The following FAM83B variants were observed in gnomAD, a reference collection of about 807,000 sequenced individuals.
The protein encoded by FAM83B is scaffolding CK1 anchoring protein B, also known as protein FAM83B.
A neutral mutation model predicts 38.8 loss-of-function variants in FAM83B; 26 were observed. The observed-to-expected ratio is 0.67, with a 90% confidence interval of 0.49 to 0.93. FAM83B has a LOEUF of 0.93. Ranked by LOEUF, FAM83B falls within the 40% of genes least tolerant of loss-of-function variation. FAM83B has a pLI of 0.00. For missense variants in FAM83B, 1,237 were observed against 1,197.3 expected, an observed-to-expected ratio of 1.03 and a Z score of -0.49; for synonymous variants, 419 against 423.1, an observed-to-expected ratio of 0.99 and a Z score of 0.12.
At chr6:54,914,136 G>A (rs76159748) in intron 2 of FAM83B, among the ~76,000 whole-genome samples, 4,145 of 151,770 alleles carry the variant, frequency 0.027, 88 homozygotes, top group Non-Finnish European at 0.046. Context: ...TCCTTTTTTG[G>A]TAAATAGTGG....
chr6:54,883,831 T>G (rs935712901), intron 2 of FAM83B, among the ~76,000 whole-genome samples: 1 of 152,072 alleles, frequency 6.6e-6, no homozygotes, highest in Non-Finnish European at 1.5e-5. Flanking sequence ...TAGCCCAATT[T>G]TTTAATCTTT....
chr6:54,940,848 A>G lies in FAM83B; in HGVS notation c.1877A>G (p.Gln626Arg), dbSNP rs1773664651. 6.2e-6 allele frequency: 10 copies of G among 1,613,930 alleles called. No individual in the cohort carries two copies. The highest frequency in any genetic ancestry group is 8.5e-6 in the Non-Finnish European group (10 of 1,180,018). The change falls in exon 5 of 5, where the codon CAA becomes CGA. Residue 626 changes from glutamine (Q) to arginine (R), a missense_variant. Physicochemically the swap from Gln to Arg is conservative, Grantham distance 43 (BLOSUM62 1). Transcript: ENST00000306858. ...VPENHSVALN[Q>R]TTNGHTESNN... ...GAAAACCACTCAGTAGCCTTAAACC[A>G]AACTACAAATGGCCATACTGAATCA... is the stretch of plus-strand genomic sequence containing the variant.
rs766679622 is a variant in FAM83B at position 54,940,366 on chromosome 6, G to A, written c.1395G>A (p.Arg465=). Residue 465 remains arginine, a synonymous_variant, in exon 5 of 5, where the codon AGG becomes AGA. Transcript: ENST00000306858. ...NLADRNSNVR[R]SFNGTDNHIR... The stretch of plus-strand genomic sequence containing the variant: ...CAGACAGGAATTCAAATGTTCGGAG[G>A]TCTTTTAATGGGACAGATAACCATA... 2 of 1,614,060 alleles carry A rather than the reference G, an allele frequency of 1.2e-6. No individual in the cohort carries two copies. The highest frequency in any genetic ancestry group is 1.7e-6 in the Non-Finnish European group (2 of 1,180,006).
At chr6:54,848,278 C>A (rs879500144) in intron 1 of FAM83B, among the ~76,000 whole-genome samples, 1 of 152,136 alleles carries the variant, frequency 6.6e-6, no homozygotes, top group Non-Finnish European at 1.5e-5. Flanking sequence ...ATTCCACCCC[C>A]TTGCCTTTGG....
At chr6:54,853,054 C>G (rs1395509512) in intron 1 of FAM83B, among the ~76,000 whole-genome samples, 25 of 152,064 alleles carry the variant, frequency 1.6e-4, no homozygotes, top group Non-Finnish European at 8.8e-5. Flanking sequence ...CTGGATAGAT[C>G]AAGCCAGCCA....
rs58597609 is a variant in FAM83B at position 54,915,812 on chromosome 6, CAAAAAAAAAAA to C, written c.445-10544_445-10534del. On this transcript the variant is annotated intron_variant, in intron 2 of 4. Coordinates refer to ENST00000306858, the MANE Select transcript of FAM83B (RefSeq NM_001010872.3). ...TGGGCGACAGAGCGAGACTCCGTCTCAAAAAAAAAAAAAAAAAAAAAAAAAGAAACTCACAT... is the reference window on the plus strand; with the variant it reads ...TGGGCGACAGAGCGAGACTCCGTCTCAAAAAAAAAAAAAAGAAACTCACAT... Among the ~76,000 whole-genome samples the C allele has an allele frequency of 6.1e-4, 11 of 18,050 alleles. 1 individual carries two copies. Among genetic ancestry groups the C allele is most frequent in the Non-Finnish European group, 1.3e-3 (11 of 8,676 alleles). 11.8% of individuals were successfully genotyped at this position (18,050 alleles called of 152,430 possible).
intron 2 of FAM83B, among the ~76,000 whole-genome samples, chr6:54,871,427 G>A (rs556764358): frequency 6.6e-6 from 1 of 151,732 alleles, no homozygotes; most frequent in South Asian, 2.1e-4. Context: ...GTTTTAAAAT[G>A]TATGGGCAAG....
At chr6:54,889,260 T>A (rs1339190038) in intron 2 of FAM83B, among the ~76,000 whole-genome samples, 1 of 152,118 alleles carries the variant, frequency 6.6e-6, no homozygotes, top group Non-Finnish European at 1.5e-5. Flanking sequence ...ATTTTCTTAT[T>A]TTAAGCATTT....
chr6:54,871,008 C>T (rs1020805034), intron 2 of FAM83B, among the ~76,000 whole-genome samples: 2 of 152,110 alleles, frequency 1.3e-5, no homozygotes, highest in African/African-American at 4.8e-5. Flanking sequence ...TTTTAAAGCA[C>T]CTAAATTTTT....
At chr6:54,928,345 C>T (rs1165268688) in intron 4 of FAM83B, among the ~76,000 whole-genome samples, 1 of 152,094 alleles carries the variant, frequency 6.6e-6, no homozygotes, top group African/African-American at 2.4e-5. Context: ...AACAGAAAGT[C>T]CATGAGAAGG....
intron 1 of FAM83B, among the ~76,000 whole-genome samples, chr6:54,855,162 A>C (rs1038863865): frequency 6.6e-6 from 1 of 152,240 alleles, no homozygotes; most frequent in Non-Finnish European, 1.5e-5. Flanking sequence ...GATATTATTG[A>C]AACTGCATAT....
rs568383674 is a variant in FAM83B, at chr6:54,926,601, G to T, written c.609+66G>T. On this transcript the variant is annotated intron_variant, in intron 3 of 4. Coordinates refer to ENST00000306858, the MANE Select transcript of FAM83B (RefSeq NM_001010872.3). ...TCATTTTCAACTCAGTCAAATGTAA[G>T]GCATCTTAAGGTAGATGAATATAAA... The T allele has an allele frequency of 3.2e-6, 4 of 1,239,446 alleles. No individual in the cohort carries two copies. In the African/African-American group the frequency reaches 6.0e-5, roughly 19 times the overall value. 76.8% of individuals were successfully genotyped at this position (1,239,446 alleles called of 1,614,324 possible).
At chr6:54,854,610 T>C (rs1408571513) in intron 1 of FAM83B, among the ~76,000 whole-genome samples, 1 of 152,172 alleles carries the variant, frequency 6.6e-6, no homozygotes, top group Non-Finnish European at 1.5e-5. Flanking sequence ...TCAGACATAA[T>C]GCTATTGCAC....
intron 1 of FAM83B, among the ~76,000 whole-genome samples, chr6:54,856,372 G>A (rs1043276703): frequency 2.0e-5 from 3 of 152,134 alleles, no homozygotes; most frequent in Non-Finnish European, 4.4e-5. Context: ...TTCAGGTGTG[G>A]TTTAAGCAAC....
At chr6:54,850,262 A>C (rs1023747672) in intron 1 of FAM83B, among the ~76,000 whole-genome samples, 1 of 152,204 alleles carries the variant, frequency 6.6e-6, no homozygotes, top group Non-Finnish European at 1.5e-5. Flanking sequence ...TTTTTGACAA[A>C]GTATTAACAT....
intron 4 of FAM83B, among the ~76,000 whole-genome samples, chr6:54,937,176 T>C (rs985042941): frequency 2.6e-5 from 4 of 151,824 alleles, no homozygotes; most frequent in Admixed American, 6.6e-5. Flanking sequence ...TTGTGTCATA[T>C]ACATTACTTT....
In FAM83B at chr6:54,941,778, G is replaced by A. The variant is rs757361359; in HGVS notation, c.2807G>A (p.Arg936His). ...TCAACTGATCGGCGTGTTTACAGTC[G>A]TTTTGAGCCGTTTTGTAAGATTGAG... ...SHSTDRRVYS[R>H]FEPFCKIESS... The change falls in exon 5 of 5, where the codon CGT becomes CAT. Residue 936 changes from arginine (R) to histidine (H), a missense_variant. Arg to His is a conservative substitution (Grantham distance 29, BLOSUM62 0). Transcript: ENST00000306858. 2.0e-5 allele frequency: 32 copies of A among 1,613,916 alleles called. No individual in the cohort carries two copies. Among genetic ancestry groups the A allele is most frequent in the African/African-American group, 5.3e-5 (4 of 74,896 alleles).
At chr6:54,876,319 A>G (rs1251293255) in intron 2 of FAM83B, among the ~76,000 whole-genome samples, 1 of 103,608 alleles carries the variant, frequency 9.7e-6, no homozygotes, top group Non-Finnish European at 2.0e-5. Flanking sequence ...ATATATATAT[A>G]TGTTTTTGTT....
In FAM83B at chr6:54,940,519, A is replaced by T. The variant is rs776374003; in HGVS notation, c.1548A>T (p.Leu516Phe). 8 of 1,614,020 alleles carry T rather than the reference A, an allele frequency of 5.0e-6. No homozygotes were observed. In the African/African-American group the frequency reaches 1.1e-4, roughly 22 times the overall value. Residue 516 changes from leucine (L) to phenylalanine (F), a missense_variant, in exon 5 of 5, where the codon TTA becomes TTT. Leu to Phe is a conservative substitution (Grantham distance 22). Transcript: ENST00000306858. ...CACCGGACTCAAATGGATCAGCTTT[A>T]GGTGACCGATTTGAGGGCTATGATA... ...EATPDSNGSALGDRFEGYDNP... is the reference protein window; with the variant it reads ...EATPDSNGSAFGDRFEGYDNP...
Sources: allele counts gnomAD v4.1 joint callset (sites outside exome capture counted in the v4.1 genomes callset), GRCh38; gene constraint gnomAD v4.1.1; transcripts MANE v1.5; gene names NCBI Gene and HGNC (gene_info 2026-07-23, HGNC 2026-07-21).